Variants in AZIN2 observed in about 807,000 individuals in gnomAD.
AZIN2 encodes antizyme inhibitor 2.
In AZIN2, 28 loss-of-function variants were observed where a neutral mutation model predicts 47.8. The observed-to-expected ratio is 0.59, with a 90% CI of 0.43 to 0.80. The LOEUF (loss-of-function observed/expected upper bound fraction) is 0.80, where lower values mean the gene tolerates loss of function less well. Ranked by LOEUF, AZIN2 falls within the 30% of genes least tolerant of loss-of-function variation. The pLI is 0.00. For synonymous variants in AZIN2, 221 were observed against 239.4 expected, an observed-to-expected ratio of 0.92 and a Z score of 0.71; for missense variants, 535 against 582.5, an observed-to-expected ratio of 0.92 and a Z score of 0.84.
At chr1:33,161,152 C>T in the AZIN2 span, among the ~76,000 whole-genome samples, 1 of 152,216 alleles carries the variant, frequency 6.6e-6, no homozygotes, top group South Asian at 2.1e-4. This position sits in a 1 kb window ranked among gnomAD's most constrained non-coding sequence, Gnocchi z 4.3. Context: ...GTTGTGCGCA[C>T]TCCAAGGCGC....
intron 10 of AZIN2, among the ~76,000 whole-genome samples, chr1:33,098,648 C>G (rs1488607275): frequency 6.6e-6 from 1 of 152,234 alleles, no homozygotes; most frequent in Non-Finnish European, 1.5e-5. Context: ...AAACATTCCT[C>G]CTAGCCTGTG....
intron 5 of AZIN2, among the ~76,000 whole-genome samples, chr1:33,091,757 AG>A (rs896427737): frequency 1.2e-4 from 18 of 152,224 alleles, no homozygotes; most frequent in African/African-American, 3.9e-4. Flanking sequence ...CTTTACTGCC[AG>A]GAAGTTTTAA....
chr1:33,137,043 G>C, the AZIN2 span, among the ~76,000 whole-genome samples: 16 of 151,938 alleles, frequency 1.1e-4, no homozygotes, highest in African/African-American at 3.4e-4. Flanking sequence ...TGTTGGGAGT[G>C]GGGGAGTGAC....
At chr1:33,148,674 A>G in the AZIN2 span, among the ~76,000 whole-genome samples, 4 of 152,364 alleles carry the variant, frequency 2.6e-5, no homozygotes, top group Admixed American at 2.0e-4. Flanking sequence ...GTATGTATCT[A>G]TGTACATATA....
the AZIN2 span, among the ~76,000 whole-genome samples, chr1:33,132,349 C>T: frequency 6.6e-6 from 1 of 152,258 alleles, no homozygotes. Context: ...CTACTTCATT[C>T]TGCCCTGCAG....
downstream of AZIN2, among the ~76,000 whole-genome samples, chr1:33,127,209 A>G (rs1644862567): frequency 6.6e-6 from 1 of 152,240 alleles, no homozygotes; most frequent in African/African-American, 2.4e-5. Context: ...TCAGAAGTGG[A>G]AACGATTGCC....
At chr1:33,092,569 A>G (rs1316261493) in intron 6 of AZIN2, among the ~76,000 whole-genome samples, 1 of 152,168 alleles carries the variant, frequency 6.6e-6, no homozygotes, top group East Asian at 1.9e-4. Context: ...AGTGGTCAGG[A>G]AGGCTCCACG....
At chr1:33,165,826 A>G in the AZIN2 span, 6 of 320,486 alleles carry the variant, frequency 1.9e-5, no homozygotes, top group Non-Finnish European at 5.7e-6. This position sits in a 1 kb window ranked among gnomAD's most constrained non-coding sequence, Gnocchi z 4.0. Flanking sequence ...GTGACAATCG[A>G]CTTCCACATA....
chr1:33,156,556 T>G, the AZIN2 span, among the ~76,000 whole-genome samples: 1 of 152,136 alleles, frequency 6.6e-6, no homozygotes. Flanking sequence ...CTTGGCTGGG[T>G]CCCCCTCTTG....
chr1:33,103,885 CTT>C (rs890267074), intron 10 of AZIN2, among the ~76,000 whole-genome samples: 13 of 142,854 alleles, frequency 9.1e-5, no homozygotes, highest in Admixed American at 1.4e-4. Context: ...TTAAATAGAT[CTT>C]TTTTTTTTTT....
intron 5 of AZIN2, among the ~76,000 whole-genome samples, chr1:33,090,135 C>T (rs1428783256): frequency 6.6e-6 from 1 of 152,190 alleles, no homozygotes; most frequent in Non-Finnish European, 1.5e-5. Context: ...TTTATTGACT[C>T]ACAGCCACAT....
Position 33,117,958 on chromosome 1 carries a change from T to C in AZIN2, c.1086T>C (p.Asp362=). Residue 362 remains aspartate, a synonymous_variant, in exon 11 of 12, where the codon GAT becomes GAC. Coordinates refer to ENST00000294517, the MANE Select transcript of AZIN2 (RefSeq NM_052998.4). ...GCAGCCTGTGGGGCCCGGCGGTTGA[T>C]GGCTGTGATTGCGTGGCTGAGGGCC... ...YSSSLWGPAV[D]GCDCVAEGLW... The C allele has an allele frequency of 2.5e-6, 4 of 1,613,358 alleles. No individual in the cohort carries two copies. Among genetic ancestry groups the C allele is most frequent in the Non-Finnish European group, 3.4e-6 (4 of 1,179,620 alleles).
At chr1:33,160,309 G>C in the AZIN2 span, among the ~76,000 whole-genome samples, 1 of 152,092 alleles carries the variant, frequency 6.6e-6, no homozygotes, top group Non-Finnish European at 1.5e-5. Flanking sequence ...TTCTGGCTTG[G>C]GGGTAGGAGG....
chr1:33,128,386 A>C (rs563461099), downstream of AZIN2, among the ~76,000 whole-genome samples: 1 of 152,222 alleles, frequency 6.6e-6, no homozygotes, highest in East Asian at 1.9e-4. Context: ...CCAAAAGAAC[A>C]AAAAATTTAA....
chr1:33,096,448 T>G (rs1265619878), intron 8 of AZIN2, among the ~76,000 whole-genome samples: 4 of 152,192 alleles, frequency 2.6e-5, no homozygotes, highest in African/African-American at 9.7e-5. Flanking sequence ...CCAAGTGTGA[T>G]ATGAAGAGGA....
the AZIN2 span, chr1:33,160,013 A>G: frequency 3.2e-6 from 5 of 1,562,170 alleles, no homozygotes; most frequent in African/African-American, 6.8e-5. Flanking sequence ...TGAGAGGAGG[A>G]AATCGAGAGC....
the AZIN2 span, among the ~76,000 whole-genome samples, chr1:33,139,224 C>G: frequency 6.6e-6 from 1 of 152,154 alleles, no homozygotes; most frequent in African/African-American, 2.4e-5. Context: ...CAGTGAGGGT[C>G]GCTCTGGGGG....
At chr1:33,159,036 G>T in the AZIN2 span, among the ~76,000 whole-genome samples, 42 of 151,818 alleles carry the variant, frequency 2.8e-4, no homozygotes, top group Non-Finnish European at 4.9e-4. The surrounding 1 kb of genome is among the most constrained non-coding windows in gnomAD (Gnocchi z 4.2). Context: ...GTAGAGACGG[G>T]GTTTCACCAT....
chr1:33,139,944 C>T, the AZIN2 span, among the ~76,000 whole-genome samples: 35 of 152,288 alleles, frequency 2.3e-4, no homozygotes, highest in Middle Eastern at 3.4e-3. Flanking sequence ...GCTACTCTTC[C>T]GGGAGTGGTT....
Sources: gnomAD v4.1 joint callset for allele counts (sites outside exome capture counted in the v4.1 genomes callset) on GRCh38, gnomAD v4.1.1 for gene constraint, Gnocchi (gnomAD v3.1) non-coding constraint, MANE v1.5 for transcripts, NCBI Gene and HGNC (gene_info 2026-07-23, HGNC 2026-07-21) for gene names.